AKAP9: variants seen among roughly 807,000 people sequenced by gnomAD.
AKAP9 encodes the protein A-kinase anchor protein 9.
AKAP9 carries 311 observed loss-of-function variants against 488.5 expected under a neutral mutation model. That is an observed-to-expected ratio of 0.64 (90% CI 0.58 to 0.70). AKAP9 has a LOEUF of 0.70. Ranked by LOEUF, AKAP9 falls within the 30% of genes least tolerant of loss-of-function variation. The probability of loss-of-function intolerance (pLI) is 0.00; values close to 1 mark genes in which losing one functional copy is unlikely to be tolerated. For missense variants in AKAP9, 4,215 were observed against 4,374.5 expected (o/e 0.96, Z 1.03); for synonymous variants, 1,462 against 1,483.5 (o/e 0.99, Z 0.33).
intron 22 of AKAP9, chr7:92,057,659 GA>G (rs1291370887): frequency 4.7e-6 from 1 of 211,338 alleles, no homozygotes; most frequent in Non-Finnish European, 9.6e-6. Flanking sequence ...AAGAGCAAGA[GA>G]AATAATGTTA....
At position 92,107,440 on chromosome 7, in the gene AKAP9, C is replaced by A. The variant is rs989297255; in HGVS notation, c.11546+18C>A. On this transcript the variant is annotated intron_variant, in intron 48 of 49. Transcript: ENST00000356239. The stretch of plus-strand genomic sequence containing the variant: ...CAGAATAGGTAAGAATATGAGAAAA[C>A]CTGCCTGGAATTGTTAAATGTATTA... 5.0e-6 allele frequency: 8 copies of A among 1,611,028 alleles called. No individual in the cohort carries two copies. The highest frequency in any genetic ancestry group is 6.8e-6 in the Non-Finnish European group (8 of 1,177,890).
rs1401330274 is a variant in AKAP9, at chr7:92,042,772, G to T, written c.5162+1G>T. The T allele has an allele frequency of 5.0e-6, 8 of 1,592,624 alleles. No homozygotes were observed. Among genetic ancestry groups the T allele is most frequent in the Non-Finnish European group, 6.9e-6 (8 of 1,161,530 alleles). ...CTCCTGAGATTTTGTCTAATGAAAG[G>T]TATACAAAATGTGTACTTTTTCAGT... On this transcript the variant is annotated splice_donor_variant, in intron 20 of 49. Transcript: ENST00000356239. LOFTEE classifies it high-confidence loss of function.
intron 12 of AKAP9, among the ~76,000 whole-genome samples, chr7:92,017,653 G>A (rs1429481322): frequency 6.6e-6 from 1 of 152,170 alleles, no homozygotes; most frequent in Non-Finnish European, 1.5e-5. Flanking sequence ...AGATGTCTGT[G>A]TCTATTTATT....
chr7:91,968,404 T>A (rs1004727889), intron 1 of AKAP9, among the ~76,000 whole-genome samples: 2 of 152,216 alleles, frequency 1.3e-5, no homozygotes, highest in African/African-American at 2.4e-5. Flanking sequence ...TTCATAATAG[T>A]CTGTAATGAT....
At chr7:91,995,111 A>G (rs2130644645) in intron 6 of AKAP9, among the ~76,000 whole-genome samples, 1 of 152,340 alleles carries the variant, frequency 6.6e-6, no homozygotes, top group African/African-American at 2.4e-5. Flanking sequence ...TAGGTTCTAA[A>G]TGATAACAAA....
chr7:92,061,584 CTA>C lies in AKAP9; in HGVS notation c.5764+197_5764+198del, dbSNP rs71528033. Among the ~76,000 whole-genome samples the C allele has an allele frequency of 0.075, 7,627 of 102,232 alleles. 277 individuals are homozygous for C. The highest frequency in any genetic ancestry group is 0.14 in the Middle Eastern group (26 of 192). 67.1% of individuals were successfully genotyped at this position (102,232 alleles called of 152,430 possible). A position where few individuals can be genotyped will look rare whatever the true frequency, so the allele number is the denominator to read the frequency against. On this transcript the variant is annotated intron_variant, in intron 23 of 49. Coordinates refer to ENST00000356239, the MANE Select transcript of AKAP9 (RefSeq NM_005751.5). Reference sequence around the variant, plus strand: ...GAGTTCCTCCAAGCAATTTTTAAAACTATATATATATATATATATATATATAT... The same window carrying C: ...GAGTTCCTCCAAGCAATTTTTAAAACTATATATATATATATATATATATAT...
chr7:92,026,365 C>T (rs536903545), intron 14 of AKAP9, among the ~76,000 whole-genome samples: 1 of 152,286 alleles, frequency 6.6e-6, no homozygotes, highest in East Asian at 1.9e-4. Context: ...TCCACGGTCT[C>T]CCTCTGTTGC....
chr7:91,947,611 A>C (rs890572652), intron 1 of AKAP9, among the ~76,000 whole-genome samples: 4 of 152,164 alleles, frequency 2.6e-5, no homozygotes, highest in Non-Finnish European at 5.9e-5. Context: ...AAGTGCTGGG[A>C]TTACAGGCGT....
chr7:92,081,496 TA>T (rs1469198757), intron 31 of AKAP9, among the ~76,000 whole-genome samples: 16,806 of 96,154 alleles, frequency 0.17, 1,239 homozygotes, highest in East Asian at 0.43. Flanking sequence ...TATATATATA[TA>T]TTTTTTTTTT....
At chr7:91,979,581 A>G (rs1409344818) in intron 2 of AKAP9, among the ~76,000 whole-genome samples, 4 of 152,176 alleles carry the variant, frequency 2.6e-5, no homozygotes, top group Non-Finnish European at 5.9e-5. Context: ...CTCTGTATAT[A>G]CTGTGTTTTT....
chr7:91,947,727 A>C (rs1791648056), intron 1 of AKAP9, among the ~76,000 whole-genome samples: 1 of 152,242 alleles, frequency 6.6e-6, no homozygotes, highest in African/African-American at 2.4e-5. Context: ...GGTGTTTTGA[A>C]GGATAAATGA....
In AKAP9 at chr7:92,079,663, A is replaced by C; in HGVS notation, c.7530A>C (p.Ala2510=). 1.2e-6 allele frequency: 2 copies of C among 1,614,032 alleles called. No individual in the cohort carries two copies. Among genetic ancestry groups the C allele is most frequent in the Non-Finnish European group, 1.7e-6 (2 of 1,179,974 alleles). Residue 2510 remains alanine (A), a synonymous_variant, in exon 31 of 50, where the codon GCA becomes GCC. Coordinates refer to ENST00000356239, the MANE Select transcript of AKAP9 (RefSeq NM_005751.5). Reference sequence around the variant, plus strand: ...TACAACTTGAGAGCACTGTTAGTGCAAAGGACTTAGAACTTACCCAGTGTT... The same window carrying C: ...TACAACTTGAGAGCACTGTTAGTGCCAAGGACTTAGAACTTACCCAGTGTT... The part of the protein sequence containing the change: ...RLLQLESTVS[A]KDLELTQCYK...
chr7:92,099,847 A>C lies in AKAP9; in HGVS notation c.10874A>C (p.Gln3625Pro), dbSNP rs763888347. ...KLEEQIRWYR[Q>P]TGAGRDNSSR... ...GAAGAGCAGATCAGGTGGTATCGAC[A>C]GACAGGAGCTGGTAGAGATAATGTA... Residue 3625 changes from glutamine (Q) to proline (P), a missense_variant, in exon 44 of 50, where the codon CAG becomes CCG. Gln to Pro is a moderately conservative substitution (Grantham distance 76, BLOSUM62 -1). Transcript: ENST00000356239. 2 of 1,614,102 alleles carry C rather than the reference A, an allele frequency of 1.2e-6. No homozygotes were observed. The highest frequency in any genetic ancestry group is 2.2e-5 in the South Asian group (2 of 91,080).
At chr7:91,969,408 A>G (rs1354961060) in intron 1 of AKAP9, among the ~76,000 whole-genome samples, 1 of 152,268 alleles carries the variant, frequency 6.6e-6, no homozygotes, top group East Asian at 1.9e-4. Context: ...AATGTTCTGT[A>G]GATGTCAGTT....
intron 30 of AKAP9, among the ~76,000 whole-genome samples, 192 bp downstream of exon 30, chr7:92,078,067 G>A (rs2130858678): frequency 6.6e-6 from 1 of 151,922 alleles, no homozygotes; most frequent in South Asian, 2.1e-4. Flanking sequence ...TGCAACCTCG[G>A]CTCACTGCAA....
intron 3 of AKAP9, among the ~76,000 whole-genome samples, chr7:91,983,036 T>G (rs1796629345): frequency 6.6e-6 from 1 of 151,888 alleles, no homozygotes; most frequent in Non-Finnish European, 1.5e-5. Context: ...TGGGGTTGTT[T>G]GCTTTTTTTT....
At chr7:92,034,492 A>ATTT in intron 16 of AKAP9, among the ~76,000 whole-genome samples, 1 of 92,036 alleles carries the variant, frequency 1.1e-5, no homozygotes, top group South Asian at 3.3e-4. Context: ...ATATATATAT[A>ATTT]TATATATTTT....
At chr7:92,063,078 T>G (rs554892623) in intron 24 of AKAP9, among the ~76,000 whole-genome samples, 180 of 124,022 alleles carry the variant, frequency 1.5e-3, no homozygotes, top group African/African-American at 5.5e-3. Flanking sequence ...TTGGTAATGA[T>G]GGAACTTTAA....
At chr7:92,057,064 T>C (rs994232680) in intron 22 of AKAP9, among the ~76,000 whole-genome samples, 11 of 152,088 alleles carry the variant, frequency 7.2e-5, no homozygotes, top group Admixed American at 3.3e-4. Flanking sequence ...TTTTAAAGTT[T>C]AGTCAGGGTT....
Sources: allele counts gnomAD v4.1 joint callset (sites outside exome capture counted in the v4.1 genomes callset), GRCh38; gene constraint gnomAD v4.1.1; transcripts MANE v1.5; gene names NCBI Gene and HGNC (gene_info 2026-07-23, HGNC 2026-07-21).